Variants in DIS3L2 observed in about 807,000 individuals in gnomAD.
DIS3L2 encodes DIS3 like 3'-5' exoribonuclease 2, also known as DIS3-like exonuclease 2.
In DIS3L2, 34 loss-of-function variants were observed where a neutral mutation model predicts 97.5. The ratio of observed to expected loss-of-function variants is 0.35; its 90% confidence interval spans 0.27 to 0.46. The LOEUF (loss-of-function observed/expected upper bound fraction) is 0.46. Ranked by LOEUF, DIS3L2 falls within the 20% of genes least tolerant of loss-of-function variation. The pLI, the probability that DIS3L2 is intolerant of heterozygous loss-of-function variation, is 1.00. For synonymous variants in DIS3L2, 435 were observed against 445.2 expected, an observed-to-expected ratio of 0.98 and a Z score of 0.29; for missense variants, 1,038 against 1,146.0, an observed-to-expected ratio of 0.91 and a Z score of 1.36.
At chr2:232,265,638 C>T (rs145175888) in intron 13 of DIS3L2, among the ~76,000 whole-genome samples, 1 of 152,176 alleles carries the variant, frequency 6.6e-6, no homozygotes, top group African/African-American at 2.4e-5. Context: ...CGATCAAATA[C>T]GAACATAAAA....
At chr2:232,252,460 C>T (rs1247686704) in intron 12 of DIS3L2, among the ~76,000 whole-genome samples, 3 of 152,138 alleles carry the variant, frequency 2.0e-5, no homozygotes, top group Non-Finnish European at 2.9e-5. Flanking sequence ...TGGATCCTCT[C>T]GTGGGCTTCT....
intron 12 of DIS3L2, among the ~76,000 whole-genome samples, chr2:232,254,079 A>G (rs894689814): frequency 2.6e-5 from 4 of 152,164 alleles, no homozygotes; most frequent in African/African-American, 7.2e-5. Context: ...ACATTTTCTT[A>G]TATACCACAG....
intron 14 of DIS3L2, 28 bp from the exon 15 acceptor site, chr2:232,329,785 T>TCCCGGGGGGGCCCCCCC: frequency 2.0e-5 from 19 of 967,126 alleles, no homozygotes; most frequent in East Asian, 1.6e-4. Context: ...ACCCCAGCGG[T>TCCCGGGGGGGCCCCCCC]CCCTCCCATC....
At chr2:232,116,184 GAATAAATA>G (rs74584053) in intron 6 of DIS3L2, among the ~76,000 whole-genome samples, 25 of 35,652 alleles carry the variant, frequency 7.0e-4, no homozygotes, top group African/African-American at 1.6e-3. Flanking sequence ...ATAAATAAAT[GAATAAATA>G]AATAAATAAA....
intron 9 of DIS3L2, among the ~76,000 whole-genome samples, chr2:232,171,827 C>T (rs539510820): frequency 2.0e-5 from 3 of 152,026 alleles, no homozygotes; most frequent in Non-Finnish European, 4.4e-5. Flanking sequence ...CTTCATCAGC[C>T]CATAAAATTC....
intron 14 of DIS3L2, among the ~76,000 whole-genome samples, chr2:232,327,864 G>A (rs1390129669): frequency 6.6e-6 from 1 of 152,260 alleles, no homozygotes; most frequent in Non-Finnish European, 1.5e-5. Flanking sequence ...GGGCCTGCCA[G>A]TGCAGAACCT....
At chr2:232,024,070 T>C (rs1189858424) in intron 3 of DIS3L2, among the ~76,000 whole-genome samples, 1 of 152,168 alleles carries the variant, frequency 6.6e-6, no homozygotes, top group Admixed American at 6.6e-5. Flanking sequence ...AAGGTGCCAG[T>C]CTAAGCTTTC....
intron 5 of DIS3L2, among the ~76,000 whole-genome samples, chr2:232,046,186 A>G (rs1269481188): frequency 6.6e-6 from 1 of 152,114 alleles, no homozygotes; most frequent in African/African-American, 2.4e-5. Context: ...GGGATAAGAT[A>G]TGGTGTCTTT....
chr2:232,257,165 G>C (rs534280640), intron 12 of DIS3L2, among the ~76,000 whole-genome samples: 1 of 152,116 alleles, frequency 6.6e-6, no homozygotes, highest in African/African-American at 2.4e-5. Context: ...TACTGTGTTC[G>C]TCTCTCCCTT....
At chr2:231,985,491 G>A (rs902266455) in intron 1 of DIS3L2, among the ~76,000 whole-genome samples, 1 of 152,124 alleles carries the variant, frequency 6.6e-6, no homozygotes, top group Non-Finnish European at 1.5e-5. Context: ...GTTGAATGAC[G>A]GTTGTTTTCA....
chr2:232,343,240 A>T, intron 13 of DIS3L2: 1 of 909,640 alleles, frequency 1.1e-6, no homozygotes, highest in Non-Finnish European at 1.7e-6. Flanking sequence ...TTCTGAAGCT[A>T]TGGAGCTGAC....
chr2:232,143,443 T>G (rs1003610414), intron 8 of DIS3L2, among the ~76,000 whole-genome samples: 1 of 152,126 alleles, frequency 6.6e-6, no homozygotes, highest in African/African-American at 2.4e-5. Context: ...TAAATAACTC[T>G]ATGGAGGAAA....
At chr2:232,038,951 CTG>C (rs1005538388) in intron 5 of DIS3L2, among the ~76,000 whole-genome samples, 4 of 152,198 alleles carry the variant, frequency 2.6e-5, no homozygotes, top group Non-Finnish European at 5.9e-5. Context: ...CTTCTACAAA[CTG>C]TTATCTGTTT....
chr2:231,979,541 GTTATTTAT>G (rs772286082), intron 1 of DIS3L2, among the ~76,000 whole-genome samples: 2 of 151,850 alleles, frequency 1.3e-5, no homozygotes, highest in Non-Finnish European at 2.9e-5. Context: ...AGGCCTGAAG[GTTATTTAT>G]TTATTTATTT....
chr2:232,259,806 T>C (rs1374706968), intron 12 of DIS3L2: 1 of 152,184 alleles, frequency 6.6e-6, no homozygotes, highest in Admixed American at 6.6e-5. Flanking sequence ...TGTTTTTGTT[T>C]TTTTGTGGAA....
At chr2:231,966,640 CATTTTTTTTTTT>C (rs1692724040) in intron 1 of DIS3L2, among the ~76,000 whole-genome samples, 1 of 70,524 alleles carries the variant, frequency 1.4e-5, no homozygotes, top group African/African-American at 5.2e-5. Flanking sequence ...AGTTAAAAAA[CATTTTTTTTTTT>C]TTTTTTTTTT....
chr2:232,177,045 A>T (rs2106180726), intron 9 of DIS3L2, among the ~76,000 whole-genome samples: 1 of 145,688 alleles, frequency 6.9e-6, no homozygotes, highest in Admixed American at 7.0e-5. Context: ...TATGAGTGAG[A>T]ATATGCGGTG....
At chr2:232,227,657 G>A (rs574885334) in intron 10 of DIS3L2, among the ~76,000 whole-genome samples, 5 of 152,238 alleles carry the variant, frequency 3.3e-5, no homozygotes, top group Admixed American at 6.5e-5. Context: ...AGAGCTAATT[G>A]GGCATGGTGA....
chr2:231,978,460 T>G (rs533427315), intron 1 of DIS3L2: 11 of 152,364 alleles, frequency 7.2e-5, no homozygotes, highest in Non-Finnish European at 1.3e-4. Flanking sequence ...TTTGTTTTGG[T>G]CAGATTTTGC....
Sources: gnomAD v4.1 joint callset for allele counts (sites outside exome capture counted in the v4.1 genomes callset) on GRCh38, gnomAD v4.1.1 for gene constraint, MANE v1.5 for transcripts, NCBI Gene and HGNC (gene_info 2026-07-23, HGNC 2026-07-21) for gene names.